The following SLC9A9 variants were observed in gnomAD, a reference collection of about 807,000 sequenced individuals.
SLC9A9 encodes sodium/hydrogen exchanger 9.
A neutral mutation model predicts 77.8 loss-of-function variants in SLC9A9; 62 were observed. That is an observed-to-expected ratio of 0.80 (90% CI 0.65 to 0.98). The LOEUF is 0.98. SLC9A9 is among the 50% of genes least tolerant of loss of function. The pLI, the probability that SLC9A9 is intolerant of heterozygous loss-of-function variation, is 0.00. For synonymous variants in SLC9A9, 320 were observed against 283.5 expected, an observed-to-expected ratio of 1.13 and a Z score of -1.29; for missense variants, 775 against 774.9, an observed-to-expected ratio of 1.00 and a Z score of 0.00.
intron 11 of SLC9A9, among the ~76,000 whole-genome samples, chr3:143,474,137 T>G (rs2035426438): frequency 6.6e-6 from 1 of 152,046 alleles, no homozygotes; most frequent in Non-Finnish European, 1.5e-5. Context: ...TCGGGAATAG[T>G]AGGTGCAAAA....
At chr3:143,652,159 A>C in intron 6 of SLC9A9, 96 bp downstream of exon 6, 7 of 1,006,304 alleles carry the variant, frequency 7.0e-6, no homozygotes, top group Non-Finnish European at 1.1e-5. Context: ...GAAAAAAGCT[A>C]GAGACTGCCC....
At chr3:143,518,129 C>G in intron 9 of SLC9A9, 1 of 1,600,268 alleles carries the variant, frequency 6.2e-7, no homozygotes, top group South Asian at 1.1e-5. Flanking sequence ...GCTCTCCACC[C>G]ACTCCCTCAG....
chr3:143,809,502 GC>G (rs1376805011), intron 2 of SLC9A9, among the ~76,000 whole-genome samples: 53 of 152,334 alleles, frequency 3.5e-4, no homozygotes, highest in African/African-American at 1.2e-3. Context: ...GGCTGGATCT[GC>G]TGCTGTACTA....
chr3:143,681,831 G>A (rs1933108045), intron 5 of SLC9A9, among the ~76,000 whole-genome samples: 1 of 152,166 alleles, frequency 6.6e-6, no homozygotes. Flanking sequence ...GCAGAAGATA[G>A]GCCAGTGATG....
chr3:143,755,363 T>C (rs1413369111), intron 4 of SLC9A9, among the ~76,000 whole-genome samples: 2 of 152,168 alleles, frequency 1.3e-5, no homozygotes, highest in African/African-American at 2.4e-5. Context: ...TATGTGACCA[T>C]AGGTATTTTC....
At chr3:143,731,029 A>G (rs1014625210) in intron 4 of SLC9A9, among the ~76,000 whole-genome samples, 8 of 152,154 alleles carry the variant, frequency 5.3e-5, no homozygotes, top group African/African-American at 1.9e-4. Context: ...CAGCCACTAC[A>G]CAGAGACACA....
chr3:143,269,119 G>A, intron 14 of SLC9A9, 139 bp from the exon 15 acceptor site: 1 of 680,796 alleles, frequency 1.5e-6, no homozygotes, highest in East Asian at 3.0e-5. Context: ...AATTTGCCCT[G>A]CAAAAATTGC....
chr3:143,664,668 A>C (rs2039033991), intron 5 of SLC9A9, among the ~76,000 whole-genome samples: 1 of 152,170 alleles, frequency 6.6e-6, no homozygotes, highest in Non-Finnish European at 1.5e-5. Context: ...AAACAAAACA[A>C]AGCAGGGGTT....
chr3:143,383,867 A>T (rs1283620586), intron 12 of SLC9A9, among the ~76,000 whole-genome samples: 1 of 152,228 alleles, frequency 6.6e-6, no homozygotes, highest in Non-Finnish European at 1.5e-5. Flanking sequence ...AGAAGCCTCC[A>T]GTCAAGCAAA....
rs571053910 is a variant in SLC9A9 at position 143,697,544 on chromosome 3, G to A, written c.534-4237C>T. On this transcript the variant is annotated intron_variant, in intron 4 of 15. Coordinates refer to ENST00000316549, the MANE Select transcript of SLC9A9 (RefSeq NM_173653.4). ...ACAAATGAGAAAAGTAAGACTCAGAGAGGTTAACTAACTTACCTAAGATCA... is the reference window on the plus strand; with the variant it reads ...ACAAATGAGAAAAGTAAGACTCAGAAAGGTTAACTAACTTACCTAAGATCA... Among the ~76,000 whole-genome samples, 7 of 152,208 alleles carry A rather than the reference G, an allele frequency of 4.6e-5. No homozygotes were observed. In the East Asian group the frequency reaches 1.3e-3, roughly 29 times the overall value.
At chr3:143,628,132 A>C (rs2038362152) in intron 6 of SLC9A9, among the ~76,000 whole-genome samples, 1 of 152,244 alleles carries the variant, frequency 6.6e-6, no homozygotes, top group Non-Finnish European at 1.5e-5. Context: ...GAATGTGAGC[A>C]ACTGGGGAGC....
At chr3:143,395,360 T>C (rs1342489356) in intron 12 of SLC9A9, among the ~76,000 whole-genome samples, 1 of 152,234 alleles carries the variant, frequency 6.6e-6, no homozygotes. Flanking sequence ...GGATTCCCTA[T>C]TTAATAAATG....
intron 4 of SLC9A9, among the ~76,000 whole-genome samples, chr3:143,737,136 G>T (rs1037225596): frequency 2.0e-5 from 3 of 152,118 alleles, no homozygotes; most frequent in Admixed American, 2.0e-4. Context: ...GTTAAGATTT[G>T]TTCTTCAAGG....
chr3:143,361,621 T>C (rs2032754083), intron 14 of SLC9A9, among the ~76,000 whole-genome samples: 1 of 152,234 alleles, frequency 6.6e-6, no homozygotes, highest in South Asian at 2.1e-4. Context: ...ATTTGTGTAG[T>C]GACGGCAGCA....
At chr3:143,640,183 G>A (rs1462872694) in intron 6 of SLC9A9, among the ~76,000 whole-genome samples, 13 of 151,816 alleles carry the variant, frequency 8.6e-5, no homozygotes, top group African/African-American at 1.7e-4. Context: ...CACCACGCCC[G>A]GCTAATTTTT....
chr3:143,450,927 G>C (rs2582353), intron 12 of SLC9A9, among the ~76,000 whole-genome samples: 72,868 of 151,956 alleles, frequency 0.48, 18,020 homozygotes, highest in African/African-American at 0.59. Context: ...TTACCTTAGG[G>C]GGACTCATGT....
At chr3:143,452,967 A>G (rs1303826337) in intron 12 of SLC9A9, among the ~76,000 whole-genome samples, 1 of 152,082 alleles carries the variant, frequency 6.6e-6, no homozygotes, top group African/African-American at 2.4e-5. Context: ...AAAAGCAACA[A>G]ATTAAAAACC....
chr3:143,582,882 C>T (rs11705715), intron 6 of SLC9A9, among the ~76,000 whole-genome samples: 15,783 of 152,132 alleles, frequency 0.1, 1,045 homozygotes, highest in Middle Eastern at 0.2. Flanking sequence ...CAGGGTGGCT[C>T]GCTCCTGTAA....
In SLC9A9 at chr3:143,748,865, G is replaced by A. The variant is rs1382181517; in HGVS notation, c.533+46136C>T. Among the ~76,000 whole-genome samples the A allele has an allele frequency of 2.6e-5, 4 of 151,308 alleles. No homozygotes were observed. In the East Asian group the frequency reaches 5.8e-4, roughly 22 times the overall value. On this transcript the variant is annotated intron_variant, in intron 4 of 15. Transcript: ENST00000316549. The stretch of plus-strand genomic sequence containing the variant: ...ACTACAGGCGCCCGCCACCGCGCCC[G>A]GCTAATTTTTTGTATTTTTAGTAGA...
Sources: gnomAD v4.1 joint callset for allele counts (sites outside exome capture counted in the v4.1 genomes callset) on GRCh38, gnomAD v4.1.1 for gene constraint, MANE v1.5 for transcripts, NCBI Gene and HGNC (gene_info 2026-07-23, HGNC 2026-07-21) for gene names.